MROH7: variants seen among roughly 807,000 people sequenced by gnomAD.
The protein encoded by MROH7 is maestro heat-like repeat-containing protein family member 7.
Under a neutral mutation model 129.2 loss-of-function variants are expected in MROH7, and 113 were observed. The ratio of observed to expected loss-of-function variants is 0.87; its 90% confidence interval spans 0.75 to 1.02. The LOEUF (loss-of-function observed/expected upper bound fraction) is 1.02. MROH7 is among the 50% of genes least tolerant of loss of function. The pLI is 0.00. For missense variants in MROH7, 1,601 were observed against 1,671.3 expected, an observed-to-expected ratio of 0.96 and a Z score of 0.73; for synonymous variants, 655 against 667.9, an observed-to-expected ratio of 0.98 and a Z score of 0.30.
rs1459939669 is a variant in MROH7, at chr1:54,652,974, G to T, written c.48G>T (p.Lys16Asn). 1.9e-6 allele frequency: 3 copies of T among 1,613,026 alleles called. No homozygotes were observed. The highest frequency in any genetic ancestry group is 1.7e-4 in the Middle Eastern group (1 of 6,046). ...GANLVFHEDP[K>N]MTPSPPSCGA... is the part of the protein sequence containing the mutation. ...ACCTGGTCTTCCATGAAGACCCAAA[G>T]ATGACACCAAGTCCCCCCTCCTGTG... The change falls in exon 3 of 24, where the codon AAG becomes AAT. Residue 16 changes from lysine (K) to asparagine (N), a missense_variant. Transcript: ENST00000421030.
In MROH7 at chr1:54,654,743, T is replaced by C. The variant is rs555136016; in HGVS notation, c.1231+586T>C. Among the ~76,000 whole-genome samples, 4 of 152,306 alleles carry C rather than the reference T, an allele frequency of 2.6e-5. No homozygotes were observed. The South Asian group carries it at 8.3e-4, about 32-fold the overall frequency. On this transcript the variant is annotated intron_variant, in intron 3 of 23. Coordinates refer to ENST00000421030, the MANE Select transcript of MROH7 (RefSeq NM_001039464.4). ...AATTATGTCTATTGTATCAACAAAC[T>C]ATCCCTTCCATTCAAAATGTACATC...
At chr1:54,684,101 G>C (rs1412335270) in intron 14 of MROH7, among the ~76,000 whole-genome samples, 2 of 152,222 alleles carry the variant, frequency 1.3e-5, no homozygotes, top group Admixed American at 1.3e-4. Context: ...TTTTCAATAA[G>C]TGTTTAGTGA....
chr1:54,679,510 A>G, intron 12 of MROH7, 71 bp downstream of exon 12: 4 of 1,512,990 alleles, frequency 2.6e-6, no homozygotes, highest in Admixed American at 1.9e-5. Context: ...CCTGCTCATC[A>G]CTGGCCGGCC....
In MROH7 at chr1:54,681,112, C is replaced by T. The variant is rs182954975; in HGVS notation, c.2381+1067C>T. The stretch of plus-strand genomic sequence containing the variant: ...GCAGGCCAGGCAGAGGCACCCAGGG[C>T]ATAACATTTAAGGACATAGTCTCGG... On this transcript the variant is annotated intron_variant, in intron 13 of 23. Transcript: ENST00000421030. 2.6e-5 allele frequency among the ~76,000 whole-genome samples: 4 copies of T among 152,272 alleles called. No homozygotes were observed. In the East Asian group the frequency reaches 7.8e-4, roughly 30 times the overall value.
intron 17 of MROH7, among the ~76,000 whole-genome samples, chr1:54,696,497 C>G (rs572898168): frequency 6.6e-6 from 1 of 152,166 alleles, no homozygotes; most frequent in South Asian, 2.1e-4. Flanking sequence ...CCCTCAGCCC[C>G]TAGTAACCTC....
intron 11 of MROH7, 150 bp from the exon 12 acceptor site, chr1:54,679,113 A>G: frequency 1.2e-6 from 1 of 855,572 alleles, no homozygotes; most frequent in Non-Finnish European, 2.0e-6. Flanking sequence ...TAAAGGTTCA[A>G]CACTTATGTG....
intron 1 of MROH7, chr1:54,651,136 A>T (rs1316294164): frequency 6.6e-6 from 1 of 152,444 alleles, no homozygotes; most frequent in African/African-American, 2.4e-5. Context: ...AAAAGAAATT[A>T]AAAACAAAAC....
rs1429444519 is a variant in MROH7, at chr1:54,653,951, G to T, written c.1025G>T (p.Ser342Ile). 17 of 1,614,216 alleles carry T rather than the reference G, an allele frequency of 1.1e-5. No individual in the cohort carries two copies. Among genetic ancestry groups the T allele is most frequent in the African/African-American group, 1.3e-5 (1 of 75,048 alleles). ...AATGAGACTCTGAGCCTGGACTCCA[G>T]CCTCCTGTTCAGCGACACCTCCACC... ...GSNETLSLDS[S>I]LLFSDTSTLT... Residue 342 changes from serine to isoleucine, a missense_variant, in exon 3 of 24, where the codon AGC (serine) becomes ATC (isoleucine). Ser to Ile is a moderately radical substitution (Grantham distance 142, BLOSUM62 -2). Transcript: ENST00000421030.
intron 17 of MROH7, chr1:54,697,581 T>C (rs1645343617): frequency 1.6e-6 from 1 of 641,936 alleles, no homozygotes; most frequent in Admixed American, 2.2e-5. Context: ...AAACTACCAT[T>C]ACTTACAGGC....
rs112516545 is a variant in MROH7, at chr1:54,663,474, G to A, written c.1232-1693G>A. On this transcript the variant is annotated intron_variant, in intron 3 of 23. Coordinates refer to ENST00000421030, the MANE Select transcript of MROH7 (RefSeq NM_001039464.4). ...TGAGACCTCTGCCTTCTGGGTTCAA[G>A]CGATTCTCCTGCCTCAGCCTCCCTA... is the stretch of plus-strand genomic sequence containing the variant. Among the ~76,000 whole-genome samples the A allele has an allele frequency of 4.3e-3, 651 of 152,188 alleles. 5 individuals are homozygous for A. Among genetic ancestry groups the A allele is most frequent in the Middle Eastern group, 0.014 (4 of 294 alleles).
chr1:54,657,465 A>T (rs576240470), intron 3 of MROH7, among the ~76,000 whole-genome samples: 1 of 152,062 alleles, frequency 6.6e-6, no homozygotes, highest in African/African-American at 2.4e-5. Flanking sequence ...TGCAGTCTCA[A>T]ACTGCTGGGA....
At chr1:54,701,542 C>G (rs1397264924) in intron 19 of MROH7, among the ~76,000 whole-genome samples, 1 of 152,108 alleles carries the variant, frequency 6.6e-6, no homozygotes, top group Non-Finnish European at 1.5e-5. Context: ...AATCGAGTCT[C>G]CCCAGAAAGG....
chr1:54,645,788 G>A (rs1644457615), intron 1 of MROH7, among the ~76,000 whole-genome samples: 1 of 151,450 alleles, frequency 6.6e-6, no homozygotes, highest in Non-Finnish European at 1.5e-5. Context: ...AGTAAGGTAG[G>A]ACTACAGGCG....
rs762833346 is a variant in MROH7 at position 54,700,312 on chromosome 1, C to T, written c.2965-9C>T. The T allele has an allele frequency of 4.3e-6, 7 of 1,613,964 alleles. No individual in the cohort carries two copies. Among genetic ancestry groups the T allele is most frequent in the Non-Finnish European group, 5.9e-6 (7 of 1,180,006 alleles). On this transcript the variant is annotated splice_polypyrimidine_tract_variant and intron_variant, in intron 17 of 23. Coordinates refer to ENST00000421030, the MANE Select transcript of MROH7 (RefSeq NM_001039464.4). ...CAGCCTGGGAAGTAATGACCCTTTG[C>T]TCCCTCAGCTCCTCCAGATGGAGCA...
intron 21 of MROH7, among the ~76,000 whole-genome samples, chr1:54,704,700 C>T (rs1645499990): frequency 6.6e-6 from 1 of 151,782 alleles, no homozygotes. Context: ...CCTGCCTCTG[C>T]CTCCCAAAGT....
At chr1:54,663,948 C>A in intron 3 of MROH7, 1 of 325,270 alleles carries the variant, frequency 3.1e-6, no homozygotes, top group South Asian at 2.5e-5. Context: ...ATCTGAAGTT[C>A]CAGGTTTTCA....
At chr1:54,701,648 T>G (rs1214211618) in intron 19 of MROH7, among the ~76,000 whole-genome samples, 3 of 152,206 alleles carry the variant, frequency 2.0e-5, no homozygotes, top group African/African-American at 7.2e-5. Flanking sequence ...TGGCAAGATC[T>G]CAGCTCGACC....
At position 54,695,324 on chromosome 1, in the gene MROH7, G is replaced by T; in HGVS notation, c.2850-52G>T. On this transcript the variant is annotated intron_variant, in intron 16 of 23. Coordinates refer to ENST00000421030, the MANE Select transcript of MROH7 (RefSeq NM_001039464.4). The stretch of plus-strand genomic sequence containing the variant: ...TGTCACAAGCAAATCCCCCCCACAG[G>T]TCCCCCTGGGGCTGGATACCTGAGG... 4 of 979,348 alleles carry T rather than the reference G, an allele frequency of 4.1e-6. No homozygotes were observed. In the South Asian group the frequency reaches 5.7e-5, roughly 14 times the overall value. The allele number at this position is 979,348 out of a possible 1,614,324, so 60.7% of individuals were successfully genotyped here.
At chr1:54,699,919 A>C (rs1392195483) in intron 17 of MROH7, 1 of 586,040 alleles carries the variant, frequency 1.7e-6, no homozygotes, top group Non-Finnish European at 3.0e-6. Context: ...GTCAGAGTGG[A>C]GGTGGGCATC....
Sources: allele counts gnomAD v4.1 joint callset (sites outside exome capture counted in the v4.1 genomes callset), GRCh38; gene constraint gnomAD v4.1.1; transcripts MANE v1.5; gene names NCBI Gene and HGNC (gene_info 2026-07-23, HGNC 2026-07-21).